The following ATRNL1 variants were observed in gnomAD, a reference collection of about 807,000 sequenced individuals.
ATRNL1 encodes the protein attractin-like protein 1.
A neutral mutation model predicts 182.7 loss-of-function variants in ATRNL1; 95 were observed. The observed-to-expected ratio is 0.52, with a 90% confidence interval of 0.44 to 0.62. The LOEUF (loss-of-function observed/expected upper bound fraction) is 0.62, where lower values mean the gene tolerates loss of function less well. ATRNL1 is among the 20% of genes least tolerant of loss of function. ATRNL1 has a pLI of 0.00. For synonymous variants in ATRNL1, 576 were observed against 568.3 expected, an observed-to-expected ratio of 1.01 and a Z score of -0.19; for missense variants, 1,471 against 1,679.5, an observed-to-expected ratio of 0.88 and a Z score of 2.17.
chr10:115,651,464 C>G (rs1445989418), intron 26 of ATRNL1, among the ~76,000 whole-genome samples: 1 of 152,142 alleles, frequency 6.6e-6, no homozygotes, highest in African/African-American at 2.4e-5. Flanking sequence ...CAAGTCATTT[C>G]CTTTTACTGC....
At chr10:115,726,694 A>G (rs1947607188) in intron 26 of ATRNL1, among the ~76,000 whole-genome samples, 1 of 152,224 alleles carries the variant, frequency 6.6e-6, no homozygotes, top group Non-Finnish European at 1.5e-5. Flanking sequence ...GGCTTTGAAC[A>G]AAATTATAAA....
intron 27 of ATRNL1, among the ~76,000 whole-genome samples, chr10:115,746,585 T>A (rs1200948694): frequency 6.6e-6 from 1 of 152,058 alleles, no homozygotes; most frequent in African/African-American, 2.4e-5. Flanking sequence ...CCCTATTTTT[T>A]ATTCACTATA....
At chr10:115,792,941 G>C (rs782094313) in intron 27 of ATRNL1, among the ~76,000 whole-genome samples, 1 of 151,936 alleles carries the variant, frequency 6.6e-6, no homozygotes, top group Non-Finnish European at 1.5e-5. Flanking sequence ...GACTGATCCA[G>C]TTCTTTGAGA....
chr10:115,662,725 C>T (rs1396021638), intron 26 of ATRNL1, among the ~76,000 whole-genome samples: 2 of 151,890 alleles, frequency 1.3e-5, no homozygotes, highest in Non-Finnish European at 2.9e-5. Flanking sequence ...AGGCAAATTC[C>T]ACCTATCTGA....
chr10:115,663,698 T>C (rs955164596), intron 26 of ATRNL1, among the ~76,000 whole-genome samples: 5 of 152,030 alleles, frequency 3.3e-5, no homozygotes, highest in Non-Finnish European at 7.4e-5. Context: ...AGTAGAACTT[T>C]TTGGGGGAGA....
chr10:115,644,954 A>G (rs1298285162), intron 26 of ATRNL1, among the ~76,000 whole-genome samples: 1 of 152,122 alleles, frequency 6.6e-6, no homozygotes, highest in Non-Finnish European at 1.5e-5. Flanking sequence ...AAATAGTTAC[A>G]TTCCTGAACC....
At chr10:115,212,566 C>A (rs1849072445) in intron 8 of ATRNL1, among the ~76,000 whole-genome samples, 1 of 151,836 alleles carries the variant, frequency 6.6e-6, no homozygotes, top group African/African-American at 2.4e-5. Context: ...TGTTCATTGC[C>A]AGCACTATTC....
At chr10:115,501,199 G>T (rs187990237) in intron 24 of ATRNL1, among the ~76,000 whole-genome samples, 1 of 152,172 alleles carries the variant, frequency 6.6e-6, no homozygotes, top group East Asian at 1.9e-4. Context: ...CTCCCAAAGT[G>T]CTGGGATTAC....
intron 13 of ATRNL1, among the ~76,000 whole-genome samples, chr10:115,272,172 A>G (rs1554913368): frequency 6.6e-6 from 1 of 152,224 alleles, no homozygotes; most frequent in Non-Finnish European, 1.5e-5. Context: ...AGAACTGTGA[A>G]CTAACTAAAC....
At chr10:115,545,676 G>A (rs1252198544) in intron 25 of ATRNL1, among the ~76,000 whole-genome samples, 3 of 152,160 alleles carry the variant, frequency 2.0e-5, no homozygotes, top group Non-Finnish European at 4.4e-5. Context: ...AACTCTTAAG[G>A]AAGAGGAATG....
intron 28 of ATRNL1, among the ~76,000 whole-genome samples, chr10:115,923,394 G>C (rs1555119154): frequency 6.6e-6 from 1 of 151,980 alleles, no homozygotes; most frequent in Admixed American, 6.6e-5. Flanking sequence ...CCATCTCTAA[G>C]TTCCCTCCCT....
At chr10:115,414,988 C>T (rs570505103) in intron 20 of ATRNL1, among the ~76,000 whole-genome samples, 255 of 152,064 alleles carry the variant, frequency 1.7e-3, no homozygotes, top group African/African-American at 5.7e-3. Flanking sequence ...ATTAAAATTA[C>T]GCTACACTGA....
At chr10:115,657,528 ATAGT>A (rs1230905984) in intron 26 of ATRNL1, among the ~76,000 whole-genome samples, 5 of 152,204 alleles carry the variant, frequency 3.3e-5, no homozygotes, top group African/African-American at 1.2e-4. Flanking sequence ...ACATAAAAAT[ATAGT>A]TAGGGATTGG....
At chr10:115,453,709 A>T (rs1204618362) in intron 21 of ATRNL1, among the ~76,000 whole-genome samples, 1 of 150,960 alleles carries the variant, frequency 6.6e-6, no homozygotes, top group Non-Finnish European at 1.5e-5. Context: ...AAAAAACCAA[A>T]CACTGCATGT....
intron 24 of ATRNL1, among the ~76,000 whole-genome samples, chr10:115,483,625 A>T (rs540788684): frequency 2.6e-5 from 4 of 151,584 alleles, no homozygotes; most frequent in South Asian, 4.1e-4. Context: ...TATCAATTTT[A>T]TTATACTTAA....
intron 26 of ATRNL1, among the ~76,000 whole-genome samples, chr10:115,625,494 A>G (rs531979100): frequency 2.6e-4 from 40 of 152,172 alleles, no homozygotes; most frequent in Non-Finnish European, 4.0e-4. Context: ...TTGCTGAAAA[A>G]TATTACACAT....
intron 5 of ATRNL1, among the ~76,000 whole-genome samples, chr10:115,143,821 T>A (rs1554878658): frequency 6.6e-6 from 1 of 152,108 alleles, no homozygotes; most frequent in African/African-American, 2.4e-5. Flanking sequence ...TGTAAGGCAC[T>A]GATCTCACCA....
chr10:115,849,738 A>T (rs1424871873), intron 28 of ATRNL1, among the ~76,000 whole-genome samples: 1 of 152,158 alleles, frequency 6.6e-6, no homozygotes, highest in Non-Finnish European at 1.5e-5. Context: ...AAAGCACTGT[A>T]TATCTACACT....
chr10:115,168,932 G>A (rs77762648), intron 7 of ATRNL1, among the ~76,000 whole-genome samples: 1,634 of 147,090 alleles, frequency 0.011, 21 homozygotes, highest in East Asian at 0.072. Context: ...TCTTTTAAGA[G>A]TTTTATAGTT....
Sources: allele counts gnomAD v4.1 joint callset (sites outside exome capture counted in the v4.1 genomes callset), GRCh38; gene constraint gnomAD v4.1.1; transcripts MANE v1.5; gene names NCBI Gene and HGNC (gene_info 2026-07-23, HGNC 2026-07-21).